Variants in YBX3 observed in about 807,000 individuals in gnomAD.
YBX3 encodes Y-box binding protein 3, also known as Y-box-binding protein 3.
Under a neutral mutation model 42.4 loss-of-function variants are expected in YBX3, and 29 were observed. The ratio of observed to expected loss-of-function variants is 0.68; its 90% confidence interval spans 0.51 to 0.93. YBX3 has a LOEUF of 0.93. Among genes scored for constraint, YBX3 ranks in the 40% least tolerant of loss-of-function variants. The pLI, the probability that YBX3 is intolerant of heterozygous loss-of-function variation, is 0.00. For synonymous variants in YBX3, 195 were observed against 189.8 expected (o/e 1.03, Z -0.22); for missense variants, 517 against 527.5 (o/e 0.98, Z 0.19).
intron 1 of YBX3, among the ~76,000 whole-genome samples, chr12:10,720,007 T>C (rs527835047): frequency 1.7e-4 from 26 of 152,178 alleles, no homozygotes; most frequent in Non-Finnish European, 3.2e-4. Flanking sequence ...TTGGAATCAA[T>C]TATGAATGAC....
chr12:10,699,891 A>T (rs1565584079), intron 9 of YBX3, among the ~76,000 whole-genome samples: 1 of 152,182 alleles, frequency 6.6e-6, no homozygotes, highest in Non-Finnish European at 1.5e-5. Flanking sequence ...CAAAAATTTT[A>T]TAAAATTGTA....
chr12:10,717,672 T>G (rs1465538235), intron 3 of YBX3: 1 of 154,346 alleles, frequency 6.5e-6, no homozygotes, highest in African/African-American at 2.4e-5. Flanking sequence ...TTTACTTCAA[T>G]TGAGAGCTGC....
chr12:10,718,267 A>C, intron 2 of YBX3, 146 bp from the exon 3 acceptor site: 1 of 657,132 alleles, frequency 1.5e-6, no homozygotes, highest in Non-Finnish European at 2.5e-6. Flanking sequence ...CAGACACCTA[A>C]AATCCTTGTT....
At chr12:10,700,259 C>T (rs1333666029) in intron 9 of YBX3, among the ~76,000 whole-genome samples, 3 of 152,120 alleles carry the variant, frequency 2.0e-5, no homozygotes, top group African/African-American at 2.4e-5. Context: ...TGATTAAAAT[C>T]CCACATCACT....
At chr12:10,710,142 G>T in intron 5 of YBX3, 28 bp from the exon 6 acceptor site, 1 of 1,605,644 alleles carries the variant, frequency 6.2e-7, no homozygotes, top group Non-Finnish European at 8.5e-7. Flanking sequence ...CAGAGATTCA[G>T]AAGAAGTTTT....
At chr12:10,703,120 T>C (rs1011237980) in intron 7 of YBX3, 4 of 152,194 alleles carry the variant, frequency 2.6e-5, no homozygotes, top group African/African-American at 9.7e-5. Flanking sequence ...TAATCATTAG[T>C]GATTATGCCT....
intron 8 of YBX3, 135 bp from the exon 9 acceptor site, chr12:10,701,488 G>C (rs1269619582): frequency 9.2e-6 from 6 of 653,680 alleles, no homozygotes; most frequent in Non-Finnish European, 1.4e-5. Context: ...TCTTAAGTAT[G>C]AGTCACAAAT....
chr12:10,710,032 G>A lies in YBX3; in HGVS notation c.656C>T (p.Ala219Val), dbSNP rs145577602. ...CTGGGGGCGGCGCAGCTGATTCCGG[G>A]CCCCAGAGAACTGCCTATCAGTGGC... The part of the protein sequence containing the change: ...PPATDRQFSG[A>V]RNQLRRPQYR... Residue 219 changes from alanine (A) to valine (V), a missense_variant, in exon 6 of 10, where the codon GCC becomes GTC. Around this residue, in one of 3 missense-constraint regions of YBX3, gnomAD observed 420 missense variants for 408.5 expected, o/e 1.03. Transcript: ENST00000228251. The A allele has an allele frequency of 3.6e-4, 576 of 1,614,064 alleles. No individual in the cohort carries two copies. In the African/African-American group the frequency reaches 6.5e-3, roughly 18 times the overall value.
At position 10,718,033 on chromosome 12, in the gene YBX3, A is replaced by T. The variant is rs369513129; in HGVS notation, c.360+55T>A. On this transcript the variant is annotated intron_variant, in intron 3 of 9. Transcript: ENST00000228251. ...CTTACTTTTGGGAAAGGGCTGACAG[A>T]AGATTACACACCCTCTCCTCACATA... 60 of 1,465,686 alleles carry T rather than the reference A, an allele frequency of 4.1e-5. No homozygotes were observed. The East Asian group carries it at 1.0e-3, about 25-fold the overall frequency. The allele number at this position is 1,465,686 out of a possible 1,614,324, so 90.8% of individuals were successfully genotyped here.
intron 5 of YBX3, chr12:10,710,516 T>A (rs2120939143): frequency 8.5e-7 from 1 of 1,182,976 alleles, no homozygotes; most frequent in Non-Finnish European, 1.1e-6. Flanking sequence ...AAAGAATACA[T>A]TTTATGATGT....
At position 10,723,304 on chromosome 12, in the gene YBX3, G is replaced by A. The variant is rs1016419303; in HGVS notation, c.-193C>T. The stretch of plus-strand genomic sequence containing the variant: ...CTTCGTGCTGCGCGCTCTCTCTTGG[G>A]CTCCTCGCTCGATCTTACTGCCCCA... On this transcript the variant is annotated 5_prime_UTR_variant, in exon 1 of 10. Transcript: ENST00000228251. The A allele has an allele frequency of 1.6e-5, 15 of 912,980 alleles. No homozygotes were observed. The highest frequency in any genetic ancestry group is 2.1e-5 in the Non-Finnish European group (15 of 717,250). The allele number at this position is 912,980 out of a possible 1,614,324, so 56.6% of individuals were successfully genotyped here. A position where few individuals can be genotyped will look rare whatever the true frequency, so the allele number is the denominator to read the frequency against.
At chr12:10,714,783 G>T (rs1030112635) in intron 4 of YBX3, among the ~76,000 whole-genome samples, 1 of 149,206 alleles carries the variant, frequency 6.7e-6, no homozygotes, top group African/African-American at 2.5e-5. Context: ...TTTAAAAAAC[G>T]GAATCTTGCT....
intron 6 of YBX3, among the ~76,000 whole-genome samples, chr12:10,706,095 C>T (rs992807833): frequency 2.6e-5 from 4 of 152,300 alleles, no homozygotes; most frequent in African/African-American, 9.6e-5. Context: ...ATGGAACACA[C>T]ACACACAATG....
intron 7 of YBX3, chr12:10,703,628 T>C: frequency 2.5e-6 from 1 of 405,664 alleles, no homozygotes; most frequent in South Asian, 1.8e-5. Context: ...AACTGTAGAG[T>C]AGGAAGATAA....
chr12:10,699,279 A>G lies in YBX3; in HGVS notation c.*410T>C, dbSNP rs1355159330. 2 of 152,268 alleles carry G rather than the reference A, an allele frequency of 1.3e-5. No homozygotes were observed. The highest frequency in any genetic ancestry group is 6.6e-5 in the Admixed American group (1 of 15,234). 9.4% of individuals were successfully genotyped at this position (152,268 alleles called of 1,614,324 possible). A position where few individuals can be genotyped will look rare whatever the true frequency, so the allele number is the denominator to read the frequency against. Reference sequence around the variant, plus strand: ...CAGCATCCAAAATGAACAAAAACGGAAAAAAAAGCATTTACTATATATTTC... The same window carrying G: ...CAGCATCCAAAATGAACAAAAACGGGAAAAAAAGCATTTACTATATATTTC... On this transcript the variant is annotated 3_prime_UTR_variant, in exon 10 of 10. Coordinates refer to ENST00000228251, the MANE Select transcript of YBX3 (RefSeq NM_003651.5).
Position 10,702,138 on chromosome 12 carries a change from T to C in YBX3, c.879-4A>G, listed in dbSNP as rs200087142. ...TCGTGGGCGAGGAGGTCCCCTGCTG[T>C]AGGGAACACAGAAGAAAATAGAACA... On this transcript the variant is annotated splice_polypyrimidine_tract_variant and splice_region_variant and intron_variant, in intron 7 of 9. Transcript: ENST00000228251. 2.5e-6 allele frequency: 4 copies of C among 1,612,164 alleles called. No homozygotes were observed. The highest frequency in any genetic ancestry group is 3.4e-6 in the Non-Finnish European group (4 of 1,179,184).
chr12:10,704,198 GAT>G, intron 6 of YBX3, 50 bp from the exon 7 acceptor site: 2 of 1,501,990 alleles, frequency 1.3e-6, no homozygotes, highest in Non-Finnish European at 1.9e-6. Flanking sequence ...CAGGGGATAA[GAT>G]ACAGTGCATA....
chr12:10,723,216 G>A lies in YBX3; in HGVS notation c.-105C>T, dbSNP rs1591587274. ...CGGGGCTCGCTCTCGGGGAGGCCGGGGCGGATCTCGCGGCGCAGGCGGCGG... is the reference window on the plus strand; with the variant it reads ...CGGGGCTCGCTCTCGGGGAGGCCGGAGCGGATCTCGCGGCGCAGGCGGCGG... On this transcript the variant is annotated 5_prime_UTR_variant, in exon 1 of 10. Transcript: ENST00000228251. The A allele has an allele frequency of 1.7e-6, 2 of 1,173,084 alleles. No individual in the cohort carries two copies. The highest frequency in any genetic ancestry group is 3.8e-5 in the East Asian group (1 of 26,078). The allele number at this position is 1,173,084 out of a possible 1,614,324, so 72.7% of individuals were successfully genotyped here. A position where few individuals can be genotyped will look rare whatever the true frequency, so the allele number is the denominator to read the frequency against.
At chr12:10,722,416 C>G (rs528213598) in intron 1 of YBX3, 1 of 153,906 alleles carries the variant, frequency 6.5e-6, no homozygotes, top group Admixed American at 6.5e-5. Flanking sequence ...TTCCCAGATC[C>G]CAAGCAAGGA....
Sources: allele counts gnomAD v4.1 joint callset (sites outside exome capture counted in the v4.1 genomes callset), GRCh38; gene constraint gnomAD v4.1.1; regional missense constraint gnomAD v4.1.1; transcripts MANE v1.5; gene names NCBI Gene and HGNC (gene_info 2026-07-23, HGNC 2026-07-21).